Variants in MARCHF1 observed in about 807,000 individuals in gnomAD.
MARCHF1 encodes the protein E3 ubiquitin-protein ligase MARCHF1.
A neutral mutation model predicts 54.2 loss-of-function variants in MARCHF1; 40 were observed. The observed-to-expected ratio is 0.74, with a 90% CI of 0.57 to 0.96. The LOEUF (loss-of-function observed/expected upper bound fraction) is 0.96. Ranked by LOEUF, MARCHF1 falls within the 40% of genes least tolerant of loss-of-function variation. The pLI is 0.00. For synonymous variants in MARCHF1, 236 were observed against 236.3 expected (o/e 1.00, Z 0.01); for missense variants, 586 against 656.5 (o/e 0.89, Z 1.17).
intron 1 of MARCHF1, among the ~76,000 whole-genome samples, chr4:164,369,051 T>G (rs1440981113): frequency 1.4e-5 from 2 of 147,990 alleles, no homozygotes; most frequent in African/African-American, 5.0e-5. Context: ...CCATCAGAGT[T>G]GTCCTATGAC....
At chr4:163,827,384 C>A (rs766444087) in intron 4 of MARCHF1, among the ~76,000 whole-genome samples, 4 of 152,064 alleles carry the variant, frequency 2.6e-5, no homozygotes, top group Non-Finnish European at 4.4e-5. Context: ...GGAGATTATT[C>A]TAACCAATGA....
chr4:163,896,202 T>G (rs1009230108), intron 3 of MARCHF1, among the ~76,000 whole-genome samples: 1 of 152,212 alleles, frequency 6.6e-6, no homozygotes, highest in Non-Finnish European at 1.5e-5. Flanking sequence ...TCAGGTTTAT[T>G]AGCAGGCAAT....
chr4:164,189,729 A>G (rs1731073441), intron 1 of MARCHF1: 2 of 1,156,360 alleles, frequency 1.7e-6, no homozygotes, highest in Non-Finnish European at 2.6e-6. Context: ...TATCTTTTCT[A>G]TAGCTTCTGA....
rs199544780 is a variant in MARCHF1 at position 163,854,089 on chromosome 4, T to C, written c.43A>G (p.Ile15Val). The C allele has an allele frequency of 2.0e-5, 30 of 1,536,802 alleles. No homozygotes were observed. Among genetic ancestry groups the C allele is most frequent in the Non-Finnish European group, 2.4e-5 (28 of 1,146,688 alleles). The change falls in exon 4 of 10, where the codon ATT becomes GTT. Residue 15 changes from isoleucine to valine, a missense_variant. Physicochemically the swap from Ile to Val is conservative, Grantham distance 29. This residue lies in a region of MARCHF1 where 387 missense variants were observed against 394.6 expected (regional missense o/e 0.98). Transcript: ENST00000514618. ...TCGGGTGTTCGCGTGTTGTTTGGAA[T>C]TCTGTGAGGGTTACGGGCTATCGCT... ...CEAIARNPHR[I>V]PNNTRTPEIS...
chr4:163,674,189 C>A (rs1027871063), intron 5 of MARCHF1, among the ~76,000 whole-genome samples: 1 of 152,014 alleles, frequency 6.6e-6, no homozygotes, highest in Non-Finnish European at 1.5e-5. Context: ...AAAAACATAA[C>A]AAAGCAAAAT....
intron 3 of MARCHF1, among the ~76,000 whole-genome samples, chr4:163,864,699 A>T (rs1750013634): frequency 1.3e-5 from 2 of 151,936 alleles, no homozygotes; most frequent in Non-Finnish European, 2.9e-5. Context: ...AATATTATTT[A>T]AAAAATGTGA....
chr4:163,600,944 C>T (rs1226184997), intron 7 of MARCHF1, among the ~76,000 whole-genome samples: 1 of 152,112 alleles, frequency 6.6e-6, no homozygotes, highest in African/African-American at 2.4e-5. Flanking sequence ...TGAAGGAGAA[C>T]TAACACGCTC....
chr4:163,547,140 G>A (rs966778658), intron 8 of MARCHF1, among the ~76,000 whole-genome samples: 2 of 152,174 alleles, frequency 1.3e-5, no homozygotes, highest in South Asian at 4.1e-4. Flanking sequence ...GGCGTACATT[G>A]TGGTACATAA....
At chr4:163,979,993 C>A (rs1054299129) in intron 3 of MARCHF1, among the ~76,000 whole-genome samples, 11 of 151,934 alleles carry the variant, frequency 7.2e-5, no homozygotes, top group Non-Finnish European at 1.6e-4. Flanking sequence ...TAATGACTTT[C>A]TTCACAGAAT....
At chr4:163,581,318 A>G (rs1740226123) in intron 8 of MARCHF1, among the ~76,000 whole-genome samples, 1 of 152,242 alleles carries the variant, frequency 6.6e-6, no homozygotes, top group Admixed American at 6.5e-5. Context: ...TAAATGATAT[A>G]TGCTAAATAT....
chr4:163,583,421 C>T (rs79315883), intron 8 of MARCHF1, among the ~76,000 whole-genome samples: 2,953 of 152,152 alleles, frequency 0.019, 94 homozygotes, highest in African/African-American at 0.067. Context: ...ATTCCAACAC[C>T]CCTATACATA....
chr4:163,721,655 G>A (rs1490548878), intron 4 of MARCHF1, among the ~76,000 whole-genome samples: 1 of 152,088 alleles, frequency 6.6e-6, no homozygotes, highest in Non-Finnish European at 1.5e-5. Context: ...AATCCATCTG[G>A]TCCTGGACTT....
intron 1 of MARCHF1, among the ~76,000 whole-genome samples, chr4:164,176,896 T>A (rs147529774): frequency 1.3e-5 from 2 of 148,892 alleles, no homozygotes; most frequent in East Asian, 3.9e-4. Flanking sequence ...TTTTTCTTGA[T>A]TTTTTTCTTA....
chr4:164,245,068 A>C (rs1732900854), intron 1 of MARCHF1, among the ~76,000 whole-genome samples: 1 of 152,200 alleles, frequency 6.6e-6, no homozygotes, highest in Non-Finnish European at 1.5e-5. Context: ...AAACTATTCC[A>C]ATCAATAGAA....
At chr4:163,839,997 A>G (rs1335518649) in intron 4 of MARCHF1, among the ~76,000 whole-genome samples, 2 of 152,292 alleles carry the variant, frequency 1.3e-5, no homozygotes, top group East Asian at 3.9e-4. Flanking sequence ...AAAGAGACTA[A>G]GCAAAATATC....
At chr4:163,801,583 AG>A (rs1219281375) in intron 4 of MARCHF1, among the ~76,000 whole-genome samples, 2 of 152,126 alleles carry the variant, frequency 1.3e-5, no homozygotes. Context: ...TTAAGTATAA[AG>A]CACAATGAAA....
rs1340876735 is a variant in MARCHF1 at position 164,100,331 on chromosome 4, G to A, written c.-248+11257C>T. ...AGAGTCAACTCAAGGTTTTGCTTTT[G>A]ACGGTATGTGGTATATCTCCAACAC... On this transcript the variant is annotated intron_variant, in intron 2 of 9. Transcript: ENST00000514618. 2.0e-5 allele frequency among the ~76,000 whole-genome samples: 3 copies of A among 152,314 alleles called. No individual in the cohort carries two copies. The East Asian group carries it at 5.8e-4, about 29-fold the overall frequency.
chr4:163,891,825 A>T (rs1750667374), intron 3 of MARCHF1, among the ~76,000 whole-genome samples: 1 of 152,146 alleles, frequency 6.6e-6, no homozygotes, highest in Non-Finnish European at 1.5e-5. Context: ...TACATAATCC[A>T]TGATGCTCAT....
intron 7 of MARCHF1, among the ~76,000 whole-genome samples, chr4:163,605,949 T>C (rs2110904969): frequency 6.6e-6 from 1 of 152,174 alleles, no homozygotes; most frequent in South Asian, 2.1e-4. Context: ...GAGAAATACC[T>C]AATGTAGATG....
Sources: gnomAD v4.1 joint callset for allele counts (sites outside exome capture counted in the v4.1 genomes callset) on GRCh38, gnomAD v4.1.1 for gene constraint, gnomAD v4.1.1 regional missense constraint, MANE v1.5 for transcripts, NCBI Gene and HGNC (gene_info 2026-07-23, HGNC 2026-07-21) for gene names.